The following ARHGAP22 variants were observed in gnomAD, a reference collection of about 807,000 sequenced individuals.
ARHGAP22 encodes the protein Rho GTPase activating protein 22.
In ARHGAP22, 48 loss-of-function variants were observed where a neutral mutation model predicts 59.1. The observed-to-expected ratio is 0.81, with a 90% CI of 0.64 to 1.03. The LOEUF (loss-of-function observed/expected upper bound fraction) is 1.03. ARHGAP22 is among the 50% of genes least tolerant of loss of function. The pLI, the probability that ARHGAP22 is intolerant of heterozygous loss-of-function variation, is 0.00. For missense variants in ARHGAP22, 1,015 were observed against 958.7 expected, an observed-to-expected ratio of 1.06 and a Z score of -0.78; for synonymous variants, 445 against 416.4, an observed-to-expected ratio of 1.07 and a Z score of -0.84.
chr10:48,459,751 C>G lies in ARHGAP22; in HGVS notation c.592G>C (p.Gly198Arg), dbSNP rs1391788060. 1.2e-6 allele frequency: 2 copies of G among 1,613,976 alleles called. No homozygotes were observed. Among genetic ancestry groups the G allele is most frequent in the South Asian group, 2.2e-5 (2 of 91,082 alleles). ...LTEEGLFRMP[G>R]QANLVRDLQD... ...AGGTCCCTCACCAGGTTGGCCTGGCCTGGCATGCGGAACAGCCCCTCCTCA... is the reference window on the plus strand; with the variant it reads ...AGGTCCCTCACCAGGTTGGCCTGGCGTGGCATGCGGAACAGCCCCTCCTCA... Residue 198 changes from glycine (G) to arginine (R), a missense_variant, in exon 5 of 10, where the codon GGC becomes CGC. Physicochemically the swap from Gly to Arg is moderately radical, Grantham distance 125 (BLOSUM62 -2). Coordinates refer to ENST00000249601, the MANE Select transcript of ARHGAP22 (RefSeq NM_021226.4).
intron 2 of ARHGAP22, among the ~76,000 whole-genome samples, chr10:48,574,317 T>C (rs1416737376): frequency 1.3e-5 from 2 of 152,080 alleles, no homozygotes. Flanking sequence ...CGCTAGGTGA[T>C]AGGAAAAGAG....
At chr10:48,590,472 C>T (rs2004405) in intron 1 of ARHGAP22, among the ~76,000 whole-genome samples, 20,121 of 152,056 alleles carry the variant, frequency 0.13, 1,506 homozygotes, top group Non-Finnish European at 0.17. Flanking sequence ...CCTTCCTCTG[C>T]TCGGAAGTGC....
chr10:48,431,246 A>G, the ARHGAP22 span: 1 of 1,611,716 alleles, frequency 6.2e-7, no homozygotes, highest in East Asian at 2.2e-5. Flanking sequence ...GAATGGAGTT[A>G]TACGGGGGCA....
chr10:48,549,060 G>A (rs528216409), intron 3 of ARHGAP22, among the ~76,000 whole-genome samples: 1 of 152,360 alleles, frequency 6.6e-6, no homozygotes, highest in South Asian at 2.1e-4. Flanking sequence ...GAGGATAAAC[G>A]TGGTGTGCTC....
chr10:48,479,354 C>A, intron 4 of ARHGAP22: 1 of 522,704 alleles, frequency 1.9e-6, no homozygotes, highest in Non-Finnish European at 3.3e-6. Context: ...TGAGGGAAGG[C>A]GGAGGTGTGG....
chr10:48,618,000 G>A (rs1199115796), intron 1 of ARHGAP22, among the ~76,000 whole-genome samples: 1 of 151,870 alleles, frequency 6.6e-6, no homozygotes, highest in Non-Finnish European at 1.5e-5. Context: ...CAAAAGAGGA[G>A]ACATTACAAC....
intron 8 of ARHGAP22, chr10:48,451,712 G>T (rs180780062): frequency 1.8e-6 from 1 of 570,604 alleles, no homozygotes. Flanking sequence ...CACCCCCAAA[G>T]TCCCACACAC....
chr10:48,545,791 GC>G (rs2056381965), intron 3 of ARHGAP22, among the ~76,000 whole-genome samples: 1 of 152,234 alleles, frequency 6.6e-6, no homozygotes, highest in Non-Finnish European at 1.5e-5. Flanking sequence ...CAAGCTCCAT[GC>G]CTGAGGGCGA....
At chr10:48,604,286 C>T (rs1043132865) in intron 1 of ARHGAP22, among the ~76,000 whole-genome samples, 1 of 152,228 alleles carries the variant, frequency 6.6e-6, no homozygotes, top group African/African-American at 2.4e-5. Flanking sequence ...CTGCCCCTGG[C>T]CTGCTTGAGG....
intron 6 of ARHGAP22, 70 bp downstream of exon 6, chr10:48,454,932 T>C: frequency 6.8e-7 from 1 of 1,470,718 alleles, no homozygotes; most frequent in Non-Finnish European, 9.1e-7. Context: ...AGTCAGAGTC[T>C]GTGTCCTGAG....
Position 48,594,407 on chromosome 10 carries a change from G to A in ARHGAP22, c.34+10356C>T, listed in dbSNP as rs144341522. On this transcript the variant is annotated intron_variant, in intron 1 of 9. Transcript: ENST00000249601. The stretch of plus-strand genomic sequence containing the variant: ...CTCTTGCCAACCAGGGGCTCAGTGA[G>A]GGTGTGTGGATCACTCATGGGCCGA... Among the ~76,000 whole-genome samples, 654 of 152,330 alleles carry A rather than the reference G, an allele frequency of 4.3e-3. 3 individuals carry two copies. Among genetic ancestry groups the A allele is most frequent in the African/African-American group, 0.014 (589 of 41,568 alleles).
Position 48,530,236 on chromosome 10 carries a change from CAAAAA to C in ARHGAP22, c.322+25222_322+25226del, listed in dbSNP as rs60902650. Among the ~76,000 whole-genome samples the C allele has an allele frequency of 5.0e-3, 244 of 49,052 alleles. 1 individual carries two copies. Among genetic ancestry groups the C allele is most frequent in the Middle Eastern group, 0.02 (1 of 50 alleles). The allele number at this position is 49,052 out of a possible 152,430, so 32.2% of individuals were successfully genotyped here. A position where few individuals can be genotyped will look rare whatever the true frequency, so the allele number is the denominator to read the frequency against. On this transcript the variant is annotated intron_variant, in intron 3 of 9. Transcript: ENST00000249601. ...TGGGAGGCAGAGTGAGACTCCATTG[CAAAAA>C]AAAAAAAAAAAAAAAAAAAATCAAC...
At chr10:48,478,222 T>C (rs1035851443) in intron 4 of ARHGAP22, among the ~76,000 whole-genome samples, 1 of 152,206 alleles carries the variant, frequency 6.6e-6, no homozygotes, top group Non-Finnish European at 1.5e-5. Context: ...CTCAGACCTT[T>C]CCAGGCCATT....
intron 2 of ARHGAP22, among the ~76,000 whole-genome samples, chr10:48,581,729 CA>C (rs2059132968): frequency 6.6e-6 from 1 of 152,224 alleles, no homozygotes. Context: ...TAAGTGCATT[CA>C]CGTTGCTGTG....
At chr10:48,568,198 T>C (rs2058168471) in intron 2 of ARHGAP22, among the ~76,000 whole-genome samples, 1 of 152,204 alleles carries the variant, frequency 6.6e-6, no homozygotes, top group Non-Finnish European at 1.5e-5. Context: ...CAAGCTGTGA[T>C]GGCCGTGTAG....
chr10:48,577,396 A>G (rs1249811963), intron 2 of ARHGAP22, among the ~76,000 whole-genome samples: 1 of 152,036 alleles, frequency 6.6e-6, no homozygotes, highest in Non-Finnish European at 1.5e-5. Context: ...TATCACTCCC[A>G]CTTGAGAATG....
At chr10:48,593,042 C>T (rs372335177) in intron 1 of ARHGAP22, among the ~76,000 whole-genome samples, 32 of 152,228 alleles carry the variant, frequency 2.1e-4, no homozygotes, top group African/African-American at 6.5e-4. Context: ...TTGTCCTGGC[C>T]GCACTGTCTC....
At chr10:48,582,323 A>G (rs1564930281) in intron 2 of ARHGAP22, among the ~76,000 whole-genome samples, 2 of 152,194 alleles carry the variant, frequency 1.3e-5, no homozygotes, top group East Asian at 1.9e-4. Context: ...GGATTGCCCA[A>G]GTGCTTCTGG....
rs915446874 is a variant in ARHGAP22, at chr10:48,456,203, G to A, written c.660-1069C>T. Reference sequence around the variant, plus strand: ...CATTTCCCTCAGGAAAGATGAGACGGGGCCAGGAGACTGTGGCTGTGCCAT... The same window carrying A: ...CATTTCCCTCAGGAAAGATGAGACGAGGCCAGGAGACTGTGGCTGTGCCAT... On this transcript the variant is annotated intron_variant, in intron 5 of 9. Transcript: ENST00000249601. Among the ~76,000 whole-genome samples the A allele has an allele frequency of 2.0e-5, 3 of 152,178 alleles. No homozygotes were observed. In the East Asian group the frequency reaches 5.8e-4, roughly 29 times the overall value.
Sources: allele counts gnomAD v4.1 joint callset (sites outside exome capture counted in the v4.1 genomes callset), GRCh38; gene constraint gnomAD v4.1.1; transcripts MANE v1.5; gene names NCBI Gene and HGNC (gene_info 2026-07-23, HGNC 2026-07-21).